Variants in MEGF10 observed in about 807,000 individuals in gnomAD.
MEGF10 encodes the protein multiple EGF like domains 10.
MEGF10 carries 86 observed loss-of-function variants against 147.5 expected under a neutral mutation model. The ratio of observed to expected loss-of-function variants is 0.58; its 90% CI spans 0.49 to 0.70. MEGF10 has a LOEUF of 0.70. MEGF10 is among the 30% of genes least tolerant of loss of function. MEGF10 has a pLI of 0.00. For synonymous variants in MEGF10, 478 were observed against 525.5 expected (o/e 0.91, Z 1.24); for missense variants, 1,329 against 1,487.3 (o/e 0.89, Z 1.75).
In MEGF10 at chr5:127,405,839, TTC is replaced by T. The variant is rs565164151; in HGVS notation, c.917+3159_917+3160del. 2.8e-3 allele frequency among the ~76,000 whole-genome samples: 420 copies of T among 151,566 alleles called. 1 individual carries two copies. Among genetic ancestry groups the T allele is most frequent in the African/African-American group, 9.5e-3 (387 of 40,904 alleles). On this transcript the variant is annotated intron_variant, in intron 8 of 24. Transcript: ENST00000503335. ...GCTTAATTTCATTAAATGCCTTTTT[TTC>T]TTTTGCTAATATAATTACATATTTT... is the stretch of plus-strand genomic sequence containing the variant.
chr5:127,409,691 C>A (rs1697666670), intron 8 of MEGF10: 1 of 152,600 alleles, frequency 6.6e-6, no homozygotes, highest in South Asian at 2.1e-4. Flanking sequence ...AGCCCTTCTT[C>A]CCAACAGAGG....
chr5:127,366,092 G>T (rs2126852666), intron 4 of MEGF10, among the ~76,000 whole-genome samples: 1 of 152,126 alleles, frequency 6.6e-6, no homozygotes, highest in Admixed American at 6.5e-5. Context: ...CCCAGAGTAG[G>T]TGGCATTTGA....
chr5:127,280,514 C>T, the MEGF10 span, among the ~76,000 whole-genome samples: 1 of 152,230 alleles, frequency 6.6e-6, no homozygotes, highest in East Asian at 1.9e-4. Context: ...CATCTGTTAA[C>T]TGTGTTTCTC....
chr5:127,433,338 C>G (rs776368526), intron 13 of MEGF10, 25 bp from the exon 14 acceptor site: 18 of 1,614,048 alleles, frequency 1.1e-5, no homozygotes, highest in African/African-American at 2.7e-5. Flanking sequence ...TCTCACTCAG[C>G]CTTGCCCCAT....
intron 4 of MEGF10, among the ~76,000 whole-genome samples, chr5:127,357,772 A>G (rs1306388384): frequency 1.3e-5 from 2 of 152,076 alleles, no homozygotes; most frequent in African/African-American, 4.8e-5. Context: ...GGCCCATACA[A>G]TTTTATATTT....
At chr5:127,375,753 G>A (rs1763000772) in intron 5 of MEGF10, among the ~76,000 whole-genome samples, 2 of 152,156 alleles carry the variant, frequency 1.3e-5, no homozygotes, top group South Asian at 4.1e-4. Flanking sequence ...AAGGCCATAT[G>A]TTATTAATCT....
chr5:127,266,015 C>T, the MEGF10 span, among the ~76,000 whole-genome samples: 7,380 of 151,670 alleles, frequency 0.049, 293 homozygotes, highest in African/African-American at 0.11. Flanking sequence ...TCCTGAATGG[C>T]ATTGCCTAGG....
intron 4 of MEGF10, among the ~76,000 whole-genome samples, chr5:127,366,805 T>C (rs936709923): frequency 6.6e-6 from 1 of 152,222 alleles, no homozygotes; most frequent in Non-Finnish European, 1.5e-5. Context: ...TGTGTGATTA[T>C]CTAGCAATCT....
Position 127,396,723 on chromosome 5 carries a change from A to C in MEGF10, c.604A>C (p.Thr202Pro). ...HQRCQCQNGA[T>P]CDHVTGECRC... ...GAGATGCCAGTGCCAGAATGGAGCC[A>C]CCTGCGACCACGTCACGGGGGAATG... The change falls in exon 6 of 25, where the codon ACC (threonine) becomes CCC (proline). Residue 202 changes from threonine (T) to proline (P), a missense_variant. Thr to Pro is a conservative substitution (Grantham distance 38). Transcript: ENST00000503335. 12 of 1,614,052 alleles carry C rather than the reference A, an allele frequency of 7.4e-6. No homozygotes were observed. The highest frequency in any genetic ancestry group is 9.3e-6 in the Non-Finnish European group (11 of 1,180,016).
intron 6 of MEGF10, among the ~76,000 whole-genome samples, chr5:127,397,116 G>A (rs116816975): frequency 1.3e-5 from 2 of 152,278 alleles, no homozygotes; most frequent in African/African-American, 4.8e-5. Flanking sequence ...TGGATCTCCC[G>A]AGAATATGTT....
chr5:127,271,450 A>G, the MEGF10 span, among the ~76,000 whole-genome samples: 102 of 150,160 alleles, frequency 6.8e-4, no homozygotes, highest in African/African-American at 2.4e-3. Flanking sequence ...TAGATGCTGG[A>G]TTTTAGACCT....
At chr5:127,300,593 A>G (rs1356488496) in intron 1 of MEGF10, among the ~76,000 whole-genome samples, 3 of 152,162 alleles carry the variant, frequency 2.0e-5, no homozygotes, top group African/African-American at 7.2e-5. Flanking sequence ...GTTTTGATTT[A>G]TGGCTTTTTT....
At chr5:127,259,710 C>A in the MEGF10 span, among the ~76,000 whole-genome samples, 2 of 152,134 alleles carry the variant, frequency 1.3e-5, no homozygotes, top group African/African-American at 4.8e-5. Context: ...CACTCTGGAA[C>A]CATGGGAAAC....
At chr5:127,287,939 A>G (rs889771822), upstream of MEGF10, among the ~76,000 whole-genome samples, 3 of 152,092 alleles carry the variant, frequency 2.0e-5, no homozygotes, top group African/African-American at 7.2e-5. Context: ...ATCCTGAAAT[A>G]GACTCACTCA....
rs1766488023 is a variant in MEGF10, at chr5:127,459,505, C to T, written c.*2187C>T. 1 of 152,188 alleles carries T rather than the reference C, an allele frequency of 6.6e-6. No individual in the cohort carries two copies. Among genetic ancestry groups the T allele is most frequent in the Non-Finnish European group, 1.5e-5 (1 of 68,040 alleles). 9.4% of individuals were successfully genotyped at this position (152,188 alleles called of 1,614,324 possible). A position where few individuals can be genotyped will look rare whatever the true frequency, so the allele number is the denominator to read the frequency against. ...ACATTTTCTCCCTTTTAAAGATCATCTCTTCAGAGCTGCATGGTAAATTTG... is the reference window on the plus strand; with the variant it reads ...ACATTTTCTCCCTTTTAAAGATCATTTCTTCAGAGCTGCATGGTAAATTTG... On this transcript the variant is annotated 3_prime_UTR_variant, in exon 25 of 25. Transcript: ENST00000503335.
chr5:127,426,935 A>G (rs1052565861), intron 13 of MEGF10, among the ~76,000 whole-genome samples: 23 of 152,328 alleles, frequency 1.5e-4, no homozygotes, highest in East Asian at 3.9e-4. Context: ...GCATATTCCC[A>G]GTCCCCACCT....
At chr5:127,305,565 T>C (rs957677511) in intron 1 of MEGF10, among the ~76,000 whole-genome samples, 3 of 152,174 alleles carry the variant, frequency 2.0e-5, no homozygotes, top group African/African-American at 7.2e-5. Context: ...CACTTTTATT[T>C]TGGTGAAGGC....
intron 1 of MEGF10, among the ~76,000 whole-genome samples, chr5:127,328,752 T>C (rs1197090558): frequency 1.3e-5 from 2 of 151,574 alleles, no homozygotes; most frequent in Non-Finnish European, 2.9e-5. Flanking sequence ...TGTTTATGAG[T>C]AGGTTACTGC....
intron 8 of MEGF10, chr5:127,409,492 T>C (rs1212486960): frequency 1.3e-5 from 2 of 152,248 alleles, no homozygotes; most frequent in African/African-American, 4.8e-5. Flanking sequence ...TAAGAACTAT[T>C]TGTGCTTTCC....
Sources: gnomAD v4.1 joint callset for allele counts (sites outside exome capture counted in the v4.1 genomes callset) on GRCh38, gnomAD v4.1.1 for gene constraint, MANE v1.5 for transcripts, NCBI Gene and HGNC (gene_info 2026-07-23, HGNC 2026-07-21) for gene names.